Variants in STX8 observed in about 807,000 individuals in gnomAD.
The protein encoded by STX8 is syntaxin 8.
STX8 carries 23 observed loss-of-function variants against 37.5 expected under a neutral mutation model. The ratio of observed to expected loss-of-function variants is 0.61; its 90% CI spans 0.44 to 0.87. The LOEUF is 0.87. Ranked by LOEUF, STX8 falls within the 40% of genes least tolerant of loss-of-function variation. The pLI, the probability that STX8 is intolerant of heterozygous loss-of-function variation, is 0.00. For synonymous variants in STX8, 115 were observed against 99.1 expected (o/e 1.16, Z -0.95); for missense variants, 313 against 284.7 (o/e 1.10, Z -0.71).
At chr17:9,336,577 A>G (rs1910147703) in intron 7 of STX8, among the ~76,000 whole-genome samples, 1 of 151,988 alleles carries the variant, frequency 6.6e-6, no homozygotes, top group Non-Finnish European at 1.5e-5. Flanking sequence ...CTGGGACTGC[A>G]GGCGCCCGCC....
rs1904980644 is a variant in STX8, at chr17:9,510,272, GAACA to G, written c.324-5114_324-5111del. Among the ~76,000 whole-genome samples, 7 of 152,202 alleles carry G rather than the reference GAACA, an allele frequency of 4.6e-5. No individual in the cohort carries two copies. The South Asian group carries it at 1.5e-3, about 32-fold the overall frequency. ...AACATCATATTTAAACTACACCACA[GAACA>G]AACAGACCTAACAGATATTTATGGA... On this transcript the variant is annotated intron_variant, in intron 4 of 7. Coordinates refer to ENST00000306357, the MANE Select transcript of STX8 (RefSeq NM_004853.3).
In STX8 at chr17:9,449,380, G is replaced by A. The variant is rs80212691; in HGVS notation, c.541+42449C>T. On this transcript the variant is annotated intron_variant, in intron 6 of 7. Coordinates refer to ENST00000306357, the MANE Select transcript of STX8 (RefSeq NM_004853.3). ...TCGAGACCACCCTGGCTTACACGGC[G>A]AAACCCCGTCTCCACTAAAAATACA... Among the ~76,000 whole-genome samples the A allele has an allele frequency of 3.1e-3, 470 of 152,290 alleles. 4 individuals carry two copies. Among genetic ancestry groups the A allele is most frequent in the African/African-American group, 0.01 (431 of 41,542 alleles).
At chr17:9,447,581 C>G (rs142601084) in intron 6 of STX8, among the ~76,000 whole-genome samples, 230 of 152,198 alleles carry the variant, frequency 1.5e-3, no homozygotes, top group African/African-American at 5.2e-3. Flanking sequence ...TGCCACCATA[C>G]CCAGCTAATT....
At chr17:9,401,046 T>C (rs188284348) in intron 6 of STX8, among the ~76,000 whole-genome samples, 4 of 152,348 alleles carry the variant, frequency 2.6e-5, no homozygotes, top group East Asian at 1.9e-4. Context: ...TCTTAGGATA[T>C]GTCAGCCTGA....
rs755194046 is a variant in STX8 at position 9,378,657 on chromosome 17, G to A, written c.542-4C>T. The A allele has an allele frequency of 6.2e-7, 1 of 1,608,162 alleles. No individual in the cohort carries two copies. Among genetic ancestry groups the A allele is most frequent in the African/African-American group, 1.3e-5 (1 of 74,870 alleles). ...TTGGCAAGGTCGTCAATTATCTCTAGAAAGGAAACATACATGATTACTATT... is the reference window on the plus strand; with the variant it reads ...TTGGCAAGGTCGTCAATTATCTCTAAAAAGGAAACATACATGATTACTATT... On this transcript the variant is annotated splice_region_variant and splice_polypyrimidine_tract_variant and intron_variant, in intron 6 of 7. Coordinates refer to ENST00000306357, the MANE Select transcript of STX8 (RefSeq NM_004853.3).
At chr17:9,460,796 T>C (rs557830679) in intron 6 of STX8, among the ~76,000 whole-genome samples, 1 of 152,302 alleles carries the variant, frequency 6.6e-6, no homozygotes, top group South Asian at 2.1e-4. Context: ...CAGACTGATC[T>C]GGGTTCAAAT....
At chr17:9,371,108 G>C (rs1006553450) in intron 7 of STX8, among the ~76,000 whole-genome samples, 3 of 152,028 alleles carry the variant, frequency 2.0e-5, no homozygotes, top group African/African-American at 7.2e-5. Flanking sequence ...ATTCATCATC[G>C]GGCCTCTCTC....
chr17:9,377,859 A>G (rs1419971659), intron 7 of STX8: 1 of 152,224 alleles, frequency 6.6e-6, no homozygotes, highest in Non-Finnish European at 1.5e-5. Flanking sequence ...TACTACTGCT[A>G]TTCCCATCAT....
chr17:9,451,875 T>C (rs561184222), intron 6 of STX8, among the ~76,000 whole-genome samples: 1 of 152,320 alleles, frequency 6.6e-6, no homozygotes, highest in South Asian at 2.1e-4. Context: ...TTGAGTTTGA[T>C]ATTTTGCTTC....
intron 6 of STX8, among the ~76,000 whole-genome samples, chr17:9,485,714 T>C (rs1409229841): frequency 6.6e-6 from 1 of 152,038 alleles, no homozygotes; most frequent in East Asian, 1.9e-4. Context: ...GCCTCCCGAG[T>C]AGCTGGGACT....
intron 6 of STX8, among the ~76,000 whole-genome samples, chr17:9,464,078 C>G (rs1399408499): frequency 2.0e-5 from 3 of 152,002 alleles, no homozygotes; most frequent in Non-Finnish European, 4.4e-5. Flanking sequence ...GTCTCAAAAA[C>G]AAAAACAAAA....
chr17:9,357,595 C>CTGAA (rs1910928963), intron 7 of STX8, among the ~76,000 whole-genome samples: 1 of 151,892 alleles, frequency 6.6e-6, no homozygotes, highest in Admixed American at 6.6e-5. Context: ...ACTTAGGGGG[C>CTGAA]TGAAGCCAGA....
At chr17:9,535,908 GA>G (rs1222324457) in intron 4 of STX8, among the ~76,000 whole-genome samples, 2 of 152,166 alleles carry the variant, frequency 1.3e-5, no homozygotes, top group Non-Finnish European at 2.9e-5. Flanking sequence ...AAAAACTAAT[GA>G]CAAAACCTTA....
At chr17:9,282,427 C>T (rs1185648887) in intron 7 of STX8, among the ~76,000 whole-genome samples, 1 of 152,254 alleles carries the variant, frequency 6.6e-6, no homozygotes, top group Non-Finnish European at 1.5e-5. Context: ...AGCCACTGCA[C>T]CCGGCCTGAT....
chr17:9,347,032 C>T (rs1910557875), intron 7 of STX8, among the ~76,000 whole-genome samples: 1 of 151,800 alleles, frequency 6.6e-6, no homozygotes, highest in Non-Finnish European at 1.5e-5. Context: ...GAGGCTGAGG[C>T]AGGAGAATCG....
At chr17:9,401,290 CTTATG>C (rs1310228647) in intron 6 of STX8, among the ~76,000 whole-genome samples, 2 of 152,272 alleles carry the variant, frequency 1.3e-5, no homozygotes, top group East Asian at 1.9e-4. Context: ...AATTCATAAA[CTTATG>C]TTATTTCTAA....
chr17:9,303,503 ATAG>A (rs2142180650), intron 7 of STX8, among the ~76,000 whole-genome samples: 1 of 152,280 alleles, frequency 6.6e-6, no homozygotes, highest in South Asian at 2.1e-4. Flanking sequence ...ACACTGATAA[ATAG>A]TAGAATTGGA....
intron 6 of STX8, among the ~76,000 whole-genome samples, chr17:9,490,009 A>G (rs1422018770): frequency 6.6e-6 from 1 of 152,116 alleles, no homozygotes; most frequent in Non-Finnish European, 1.5e-5. Context: ...CTTTCTTATC[A>G]ATACTATCAC....
chr17:9,531,926 G>A (rs574601408), intron 4 of STX8, among the ~76,000 whole-genome samples: 4 of 152,052 alleles, frequency 2.6e-5, no homozygotes, highest in Non-Finnish European at 5.9e-5. Flanking sequence ...CTACCAGGTT[G>A]CTACTGCTAA....
Sources: allele counts gnomAD v4.1 joint callset (sites outside exome capture counted in the v4.1 genomes callset), GRCh38; gene constraint gnomAD v4.1.1; transcripts MANE v1.5; gene names NCBI Gene and HGNC (gene_info 2026-07-23, HGNC 2026-07-21).